DLGAP4: variants seen among roughly 807,000 people sequenced by gnomAD.
DLGAP4 encodes disks large-associated protein 4.
In DLGAP4, 18 loss-of-function variants were observed where a neutral mutation model predicts 86.9. That is an observed-to-expected ratio of 0.21 (90% confidence interval 0.14 to 0.31). DLGAP4 has a LOEUF of 0.31. DLGAP4 is among the 10% of genes least tolerant of loss of function. DLGAP4 has a pLI of 1.00. For synonymous variants in DLGAP4, 548 were observed against 574.3 expected, an observed-to-expected ratio of 0.95 and a Z score of 0.65; for missense variants, 1,085 against 1,362.6, an observed-to-expected ratio of 0.80 and a Z score of 3.21.
intron 10 of DLGAP4, among the ~76,000 whole-genome samples, chr20:36,515,434 GTAA>G (rs2036981138): frequency 6.6e-6 from 1 of 152,014 alleles, no homozygotes; most frequent in Non-Finnish European, 1.5e-5. Context: ...CATGTCTCTT[GTAA>G]TCAGCATATA....
chr20:36,367,776 T>C (rs2030745649), intron 2 of DLGAP4, among the ~76,000 whole-genome samples: 1 of 152,092 alleles, frequency 6.6e-6, no homozygotes, highest in South Asian at 2.1e-4. Context: ...AGCTCCCACT[T>C]TGCCATCAGG....
chr20:36,502,136 CCT>C (rs560228297), intron 10 of DLGAP4, among the ~76,000 whole-genome samples: 191 of 152,312 alleles, frequency 1.3e-3, no homozygotes, highest in African/African-American at 4.5e-3. Context: ...TCTCACACAA[CCT>C]CTGTCTCCCT....
At position 36,439,842 on chromosome 20, in the gene DLGAP4, C is replaced by T. The variant is rs766512258; in HGVS notation, c.1330C>T (p.Leu444Phe). 2.0e-5 allele frequency: 33 copies of T among 1,613,630 alleles called. 1 individual carries two copies. The Middle Eastern group carries it at 1.5e-3, about 73-fold the overall frequency. Residue 444 changes from leucine to phenylalanine, a missense_variant, in exon 5 of 13, where the codon CTC (leucine) becomes TTC (phenylalanine). Transcript: ENST00000339266. ...GGACTACACCCCCGTCAGCGACAGC[C>T]TCAACGACTCCAGCTGCATCAGCCA... Reference protein sequence around the residue: ...EEDYTPVSDSLNDSSCISQIF... With the variant: ...EEDYTPVSDSFNDSSCISQIF...
At chr20:36,466,483 G>A (rs1370462095) in intron 7 of DLGAP4, among the ~76,000 whole-genome samples, 1 of 152,142 alleles carries the variant, frequency 6.6e-6, no homozygotes, top group African/African-American at 2.4e-5. Context: ...TTGAACACCT[G>A]AGCAGGAATG....
At chr20:36,353,612 G>A (rs1042042849) in intron 1 of DLGAP4, among the ~76,000 whole-genome samples, 1 of 152,244 alleles carries the variant, frequency 6.6e-6, no homozygotes, top group Non-Finnish European at 1.5e-5. Context: ...GTACAGCTGG[G>A]GAAGCTGAGG....
intron 1 of DLGAP4, among the ~76,000 whole-genome samples, chr20:36,307,189 G>C (rs1280840281): frequency 6.6e-6 from 1 of 152,126 alleles, no homozygotes; most frequent in Non-Finnish European, 1.5e-5. Context: ...GGGCACCTGG[G>C]CTGGGGGGGC....
intron 1 of DLGAP4, among the ~76,000 whole-genome samples, chr20:36,316,585 GCTGGGGC>G (rs2147338253): frequency 6.6e-6 from 1 of 152,288 alleles, no homozygotes; most frequent in South Asian, 2.1e-4. Context: ...CCGGGCAGAG[GCTGGGGC>G]CTGGCACACA....
chr20:36,437,799 A>G (rs1019130673), intron 4 of DLGAP4, among the ~76,000 whole-genome samples: 3 of 152,210 alleles, frequency 2.0e-5, no homozygotes, highest in African/African-American at 7.2e-5. Context: ...CAGAGCAGCC[A>G]GGAGTCTAGT....
intron 2 of DLGAP4, among the ~76,000 whole-genome samples, chr20:36,384,733 T>TTCC (rs1202831619): frequency 1.3e-5 from 2 of 152,176 alleles, no homozygotes; most frequent in African/African-American, 4.8e-5. Context: ...CTCATAGAAC[T>TTCC]TCCTGCAAAG....
At chr20:36,311,460 A>G (rs2065052880) in intron 1 of DLGAP4, among the ~76,000 whole-genome samples, 1 of 152,128 alleles carries the variant, frequency 6.6e-6, no homozygotes, top group Non-Finnish European at 1.5e-5. Context: ...TGTTTGGAGA[A>G]TTTTGCTACA....
At chr20:36,365,335 G>A (rs980297908) in intron 1 of DLGAP4, among the ~76,000 whole-genome samples, 22 of 152,200 alleles carry the variant, frequency 1.4e-4, no homozygotes, top group Admixed American at 1.0e-3. Context: ...CTCAAACACC[G>A]GTCTTTCCCG....
At chr20:36,455,776 TC>T (rs2033863354) in intron 7 of DLGAP4, among the ~76,000 whole-genome samples, 1 of 149,872 alleles carries the variant, frequency 6.7e-6, no homozygotes, top group South Asian at 2.1e-4. Context: ...ACCCCTAACC[TC>T]CCCCCGGCAC....
At chr20:36,492,674 A>G (rs1026295972) in intron 7 of DLGAP4, 2 of 152,254 alleles carry the variant, frequency 1.3e-5, no homozygotes, top group African/African-American at 4.8e-5. Context: ...ACAGATGGGA[A>G]CAAGGACTCT....
chr20:36,509,249 C>T (rs529356673), intron 10 of DLGAP4, among the ~76,000 whole-genome samples: 1 of 152,084 alleles, frequency 6.6e-6, no homozygotes. Flanking sequence ...GTAGTGAGAC[C>T]TCATGTCTAC....
At position 36,356,595 on chromosome 20, in the gene DLGAP4, G is replaced by A. The variant is rs549426534; in HGVS notation, c.-303-10450G>A. On this transcript the variant is annotated intron_variant, in intron 1 of 12. Coordinates refer to ENST00000339266, the MANE Select transcript of DLGAP4 (RefSeq NM_001365621.2). The stretch of plus-strand genomic sequence containing the variant: ...CAAAGTGCTGGGATTACAGGGGTGA[G>A]CCACCGCGCCTGGCCCGTTGTTGTT... 5.9e-5 allele frequency among the ~76,000 whole-genome samples: 9 copies of A among 151,772 alleles called. No individual in the cohort carries two copies. In the South Asian group the frequency reaches 1.7e-3, roughly 28 times the overall value.
At chr20:36,516,453 C>T (rs1255042543) in intron 10 of DLGAP4, among the ~76,000 whole-genome samples, 1 of 151,844 alleles carries the variant, frequency 6.6e-6, no homozygotes, top group Non-Finnish European at 1.5e-5. Flanking sequence ...ATTGCCTGAA[C>T]TCAGGAGTTC....
At chr20:36,384,976 T>C (rs2031542533) in intron 2 of DLGAP4, among the ~76,000 whole-genome samples, 1 of 151,908 alleles carries the variant, frequency 6.6e-6, no homozygotes, top group African/African-American at 2.4e-5. Flanking sequence ...AGCTAGGAGG[T>C]GGTGTTGAGA....
At chr20:36,525,632 C>A (rs951161954) in intron 11 of DLGAP4, 34 of 611,744 alleles carry the variant, frequency 5.6e-5, no homozygotes, top group Middle Eastern at 4.4e-4. Flanking sequence ...CCTTCCTTGC[C>A]ACAGCCCTTA....
At chr20:36,482,153 T>C (rs1275232156) in intron 7 of DLGAP4, among the ~76,000 whole-genome samples, 1 of 152,172 alleles carries the variant, frequency 6.6e-6, no homozygotes, top group South Asian at 2.1e-4. Context: ...TGGCTCCTAC[T>C]CCTGTCACCT....
Sources: gnomAD v4.1 joint callset for allele counts (sites outside exome capture counted in the v4.1 genomes callset) on GRCh38, gnomAD v4.1.1 for gene constraint, MANE v1.5 for transcripts, NCBI Gene and HGNC (gene_info 2026-07-23, HGNC 2026-07-21) for gene names.